LTBP1: variants seen among roughly 807,000 people sequenced by gnomAD.
LTBP1 encodes the protein latent transforming growth factor beta binding protein 1.
LTBP1 carries 129 observed loss-of-function variants against 207.6 expected under a neutral mutation model. The ratio of observed to expected loss-of-function variants is 0.62; its 90% confidence interval spans 0.54 to 0.72. The LOEUF (loss-of-function observed/expected upper bound fraction) is 0.72, where lower values mean the gene tolerates loss of function less well. Ranked by LOEUF, LTBP1 falls within the 30% of genes least tolerant of loss-of-function variation. LTBP1 has a pLI of 0.00. For missense variants in LTBP1, 2,281 were observed against 2,217.2 expected (o/e 1.03, Z -0.58); for synonymous variants, 963 against 833.7 (o/e 1.16, Z -2.67).
At chr2:33,093,327 C>T (rs996204615) in intron 3 of LTBP1, among the ~76,000 whole-genome samples, 2 of 152,086 alleles carry the variant, frequency 1.3e-5, no homozygotes, top group Non-Finnish European at 2.9e-5. Flanking sequence ...ATTGTTTTCC[C>T]CTGCTCTCCC....
At chr2:33,366,418 A>G (rs141211690) in intron 31 of LTBP1, among the ~76,000 whole-genome samples, 41 of 152,372 alleles carry the variant, frequency 2.7e-4, no homozygotes, top group African/African-American at 9.4e-4. Context: ...ATTTCTTTCA[A>G]GCTCTTTAGA....
At chr2:33,389,371 A>G (rs2095295827) in intron 32 of LTBP1, 65 bp downstream of exon 32, 1 of 1,596,806 alleles carries the variant, frequency 6.3e-7, no homozygotes, top group Admixed American at 1.7e-5. Context: ...GTGGTCCTCA[A>G]AATGTAATGG....
chr2:33,390,743 C>G (rs1231481279), intron 32 of LTBP1, among the ~76,000 whole-genome samples: 1 of 152,014 alleles, frequency 6.6e-6, no homozygotes, highest in African/African-American at 2.4e-5. Flanking sequence ...TCATCCGCCT[C>G]GGCCTCCCAA....
In LTBP1 at chr2:33,224,201, A is replaced by G. The variant is rs74591828; in HGVS notation, c.1876+2050A>G. ...CACCTCTGTGGACAGGAAGCTCAGT[A>G]CTTCCAAAGACATTTCATTTCAAGG... On this transcript the variant is annotated intron_variant, in intron 9 of 33. Coordinates refer to ENST00000404816, the MANE Select transcript of LTBP1 (RefSeq NM_206943.4). Among the ~76,000 whole-genome samples, 1,318 of 152,318 alleles carry G rather than the reference A, an allele frequency of 8.7e-3. 19 individuals carry two copies. The highest frequency in any genetic ancestry group is 0.037 in the Middle Eastern group (11 of 294).
At chr2:33,043,231 T>C (rs1487370117) in intron 3 of LTBP1, among the ~76,000 whole-genome samples, 1 of 152,182 alleles carries the variant, frequency 6.6e-6, no homozygotes, top group East Asian at 1.9e-4. Context: ...AGTAGTGGGA[T>C]TGAGCCCAGA....
At chr2:32,988,166 A>C (rs1337735097) in intron 2 of LTBP1, among the ~76,000 whole-genome samples, 1 of 152,246 alleles carries the variant, frequency 6.6e-6, no homozygotes, top group Non-Finnish European at 1.5e-5. Context: ...TCATCCCAGT[A>C]ATATGGATTT....
At chr2:33,243,834 GT>G in intron 10 of LTBP1, 50 bp downstream of exon 10, 1 of 1,604,716 alleles carries the variant, frequency 6.2e-7, no homozygotes, top group South Asian at 1.1e-5. Flanking sequence ...TGTCTTTGGG[GT>G]TTTTCCAAAA....
At chr2:33,310,012 A>C (rs1437800350) in intron 23 of LTBP1, among the ~76,000 whole-genome samples, 4 of 145,566 alleles carry the variant, frequency 2.7e-5, no homozygotes, top group African/African-American at 1.0e-4. Flanking sequence ...CAGTGGTATG[A>C]TCTCGGCTCA....
At chr2:33,363,745 G>A (rs1457837468) in intron 29 of LTBP1, among the ~76,000 whole-genome samples, 1 of 152,152 alleles carries the variant, frequency 6.6e-6, no homozygotes, top group African/African-American at 2.4e-5. Flanking sequence ...AATATTCACT[G>A]TGGAATTATG....
chr2:33,326,613 C>T lies in LTBP1; in HGVS notation c.3730+11344C>T, dbSNP rs147496123. Among the ~76,000 whole-genome samples the T allele has an allele frequency of 2.3e-5, 3 of 129,794 alleles. No homozygotes were observed. The East Asian group carries it at 6.8e-4, about 29-fold the overall frequency. The allele number at this position is 129,794 out of a possible 152,430, so 85.1% of individuals were successfully genotyped here. A position where few individuals can be genotyped will look rare whatever the true frequency, so the allele number is the denominator to read the frequency against. ...TTACCCTGCTTTTTTGTCTTCAAAGCCTACTGAAAATGAGAATGAGGGATA... is the reference window on the plus strand; with the variant it reads ...TTACCCTGCTTTTTTGTCTTCAAAGTCTACTGAAAATGAGAATGAGGGATA... On this transcript the variant is annotated intron_variant, in intron 24 of 33. Transcript: ENST00000404816.
At chr2:33,008,519 A>G (rs1261944050) in intron 2 of LTBP1, among the ~76,000 whole-genome samples, 1 of 152,230 alleles carries the variant, frequency 6.6e-6, no homozygotes, top group African/African-American at 2.4e-5. Flanking sequence ...ACTGTGTGTA[A>G]TTTCACCACT....
intron 5 of LTBP1, among the ~76,000 whole-genome samples, chr2:33,144,941 G>C (rs539713723): frequency 5.9e-5 from 9 of 152,324 alleles, no homozygotes; most frequent in African/African-American, 2.2e-4. Context: ...CAGCCACATA[G>C]TCATCTTCAT....
At chr2:33,167,092 G>C (rs747155970) in intron 5 of LTBP1, among the ~76,000 whole-genome samples, 4 of 151,976 alleles carry the variant, frequency 2.6e-5, no homozygotes, top group Non-Finnish European at 5.9e-5. Context: ...CAGTTCTTTT[G>C]TCCCTGCCTG....
chr2:33,064,988 A>C (rs2077436208), intron 3 of LTBP1, among the ~76,000 whole-genome samples: 1 of 152,282 alleles, frequency 6.6e-6, no homozygotes, highest in East Asian at 1.9e-4. Flanking sequence ...TCTAGGTTTT[A>C]GGGTGAAAGT....
chr2:33,076,113 A>G (rs1230481823), intron 3 of LTBP1, among the ~76,000 whole-genome samples: 11 of 152,220 alleles, frequency 7.2e-5, no homozygotes, highest in Non-Finnish European at 7.3e-5. Context: ...ATTGAGGTAT[A>G]AGTCTCAAAT....
chr2:33,174,888 G>C (rs1428318798), intron 5 of LTBP1, among the ~76,000 whole-genome samples: 2 of 144,042 alleles, frequency 1.4e-5, no homozygotes, highest in Non-Finnish European at 3.1e-5. Flanking sequence ...ACAAACCTGA[G>C]AAAAACAAGC....
intron 3 of LTBP1, among the ~76,000 whole-genome samples, chr2:33,040,996 C>T (rs1254112418): frequency 6.6e-6 from 1 of 152,214 alleles, no homozygotes; most frequent in East Asian, 1.9e-4. Flanking sequence ...CTCACAACTA[C>T]CCCACCGTTA....
At chr2:33,142,529 T>G (rs1000398661) in intron 5 of LTBP1, among the ~76,000 whole-genome samples, 1 of 151,950 alleles carries the variant, frequency 6.6e-6, no homozygotes, top group African/African-American at 2.4e-5. Flanking sequence ...CGTGGAAAGG[T>G]GATTCCATGG....
chr2:33,172,222 A>G (rs1490371434), intron 5 of LTBP1, among the ~76,000 whole-genome samples: 7 of 152,192 alleles, frequency 4.6e-5, no homozygotes, highest in African/African-American at 1.7e-4. Context: ...CAAATTGGAT[A>G]GTCAAGACCC....
Sources: allele counts gnomAD v4.1 joint callset (sites outside exome capture counted in the v4.1 genomes callset), GRCh38; gene constraint gnomAD v4.1.1; transcripts MANE v1.5; gene names NCBI Gene and HGNC (gene_info 2026-07-23, HGNC 2026-07-21).